The following TMEM132D variants were observed in gnomAD, a reference collection of about 807,000 sequenced individuals.
TMEM132D encodes the protein mature OL transmembrane protein.
TMEM132D carries 21 observed loss-of-function variants against 62.3 expected under a neutral mutation model. That is an observed-to-expected ratio of 0.34 (90% CI 0.24 to 0.49). The LOEUF is 0.49. TMEM132D is among the 20% of genes least tolerant of loss of function. The pLI is 0.99. For missense variants in TMEM132D, 1,346 were observed against 1,402.8 expected (o/e 0.96, Z 0.65); for synonymous variants, 621 against 575.6 (o/e 1.08, Z -1.13).
chr12:129,704,317 G>A (rs1881452428), intron 1 of TMEM132D, among the ~76,000 whole-genome samples: 1 of 152,232 alleles, frequency 6.6e-6, no homozygotes, highest in African/African-American at 2.4e-5. Flanking sequence ...ATCTGCAAGA[G>A]CAAAGGCCAT....
At chr12:129,507,724 G>A (rs1875378452) in intron 3 of TMEM132D, among the ~76,000 whole-genome samples, 1 of 152,040 alleles carries the variant, frequency 6.6e-6, no homozygotes, top group African/African-American at 2.4e-5. Flanking sequence ...GTAGGAAGGG[G>A]GTGAAGGATA....
At chr12:129,767,903 T>C (rs1203402549) in intron 1 of TMEM132D, among the ~76,000 whole-genome samples, 5 of 152,196 alleles carry the variant, frequency 3.3e-5, no homozygotes, top group Non-Finnish European at 7.3e-5. Flanking sequence ...CTCACAGTCA[T>C]GGCAGAAGGC....
intron 1 of TMEM132D, among the ~76,000 whole-genome samples, chr12:129,861,500 C>G (rs543227435): frequency 6.6e-6 from 1 of 152,194 alleles, no homozygotes; most frequent in East Asian, 1.9e-4. Context: ...GTGGCTCACG[C>G]CTGTAATCCC....
intron 4 of TMEM132D, among the ~76,000 whole-genome samples, chr12:129,275,976 T>G (rs1773011819): frequency 6.6e-6 from 1 of 152,218 alleles, no homozygotes; most frequent in Non-Finnish European, 1.5e-5. Context: ...CAGGCGTGTT[T>G]AGCAGGAGTT....
At chr12:129,772,838 C>T (rs1350941421) in intron 1 of TMEM132D, among the ~76,000 whole-genome samples, 1 of 152,256 alleles carries the variant, frequency 6.6e-6, no homozygotes, top group East Asian at 1.9e-4. Context: ...GCGGAAGCTG[C>T]ATTGCATTTA....
At chr12:129,315,284 C>A (rs924437268) in intron 4 of TMEM132D, among the ~76,000 whole-genome samples, 1 of 152,238 alleles carries the variant, frequency 6.6e-6, no homozygotes, top group Admixed American at 6.5e-5. Flanking sequence ...GTGAGTTTGT[C>A]ATAGATGGCT....
intron 1 of TMEM132D, among the ~76,000 whole-genome samples, chr12:129,738,870 G>A (rs1293815846): frequency 6.6e-6 from 1 of 152,132 alleles, no homozygotes; most frequent in Admixed American, 6.5e-5. Flanking sequence ...AACAATACGT[G>A]TCTTCTACAC....
At chr12:129,499,411 G>A (rs994464722) in intron 3 of TMEM132D, among the ~76,000 whole-genome samples, 7 of 152,196 alleles carry the variant, frequency 4.6e-5, no homozygotes, top group Non-Finnish European at 5.9e-5. Flanking sequence ...ATGAATATGA[G>A]ATAAAGTATG....
chr12:129,304,092 A>G (rs1277819548), intron 4 of TMEM132D, among the ~76,000 whole-genome samples: 1 of 152,250 alleles, frequency 6.6e-6, no homozygotes, highest in African/African-American at 2.4e-5. Context: ...ACTCATACCC[A>G]GCAATAATGT....
intron 2 of TMEM132D, among the ~76,000 whole-genome samples, chr12:129,620,722 G>C (rs155723): frequency 0.99 from 150,462 of 152,314 alleles, 74,335 homozygotes; most frequent in East Asian, 1. Context: ...AATGCAGGAA[G>C]AGAAAACCAA....
chr12:129,395,217 A>G (rs537534907), intron 3 of TMEM132D, among the ~76,000 whole-genome samples: 1 of 152,316 alleles, frequency 6.6e-6, no homozygotes, highest in African/African-American at 2.4e-5. Flanking sequence ...TGACAGTATT[A>G]AGGATAGCGA....
intron 2 of TMEM132D, among the ~76,000 whole-genome samples, chr12:129,654,943 CT>C (rs1437617142): frequency 1.3e-5 from 2 of 151,962 alleles, no homozygotes; most frequent in Admixed American, 1.3e-4. Context: ...CCTTGAATTC[CT>C]TTTCTTTTTT....
chr12:129,508,868 A>G (rs1166689381), intron 3 of TMEM132D, among the ~76,000 whole-genome samples: 1 of 152,202 alleles, frequency 6.6e-6, no homozygotes, highest in Admixed American at 6.5e-5. Context: ...CTCCATTCCC[A>G]CTGATGGTTG....
chr12:129,525,226 GTTTTTTTTTTTTTTTT>G (rs765569025), intron 3 of TMEM132D, among the ~76,000 whole-genome samples: 20 of 67,400 alleles, frequency 3.0e-4, no homozygotes, highest in African/African-American at 1.0e-3. Flanking sequence ...TGCCCAGCCG[GTTTTTTTTTTTTTTTT>G]TTTTTTTTTT....
intron 3 of TMEM132D, among the ~76,000 whole-genome samples, chr12:129,356,795 G>A (rs1052011937): frequency 1.3e-5 from 2 of 151,776 alleles, no homozygotes; most frequent in South Asian, 2.1e-4. Flanking sequence ...AGCCTGGGAG[G>A]TCAAGGCAGC....
intron 3 of TMEM132D, among the ~76,000 whole-genome samples, chr12:129,528,924 A>G (rs1273322039): frequency 6.6e-6 from 1 of 152,256 alleles, no homozygotes; most frequent in Non-Finnish European, 1.5e-5. Context: ...ACATTTGTCT[A>G]TCAACAAAAC....
chr12:129,566,806 C>T (rs1345080824), intron 2 of TMEM132D, among the ~76,000 whole-genome samples: 5 of 152,290 alleles, frequency 3.3e-5, no homozygotes, highest in South Asian at 2.1e-4. Context: ...ATTCATCTGT[C>T]TAGTAAGAAC....
At chr12:129,743,903 C>G (rs942094815) in intron 1 of TMEM132D, among the ~76,000 whole-genome samples, 1 of 152,224 alleles carries the variant, frequency 6.6e-6, no homozygotes, top group Non-Finnish European at 1.5e-5. Flanking sequence ...AGAAGACACA[C>G]AGCTCTGCCT....
intron 4 of TMEM132D, among the ~76,000 whole-genome samples, chr12:129,300,110 A>G (rs902422875): frequency 2.0e-5 from 3 of 152,186 alleles, no homozygotes; most frequent in Non-Finnish European, 4.4e-5. Flanking sequence ...TGGCTGTTCT[A>G]ATGTGCCATT....
Sources: allele counts gnomAD v4.1 joint callset (sites outside exome capture counted in the v4.1 genomes callset), GRCh38; gene constraint gnomAD v4.1.1; transcripts MANE v1.5; gene names NCBI Gene and HGNC (gene_info 2026-07-23, HGNC 2026-07-21).